TAF4B: variants seen among roughly 807,000 people sequenced by gnomAD.
TAF4B encodes TATA-box binding protein associated factor 4b.
TAF4B carries 38 observed loss-of-function variants against 86.4 expected under a neutral mutation model. The observed-to-expected ratio is 0.44, with a 90% confidence interval of 0.34 to 0.58. TAF4B has a LOEUF of 0.58. Among genes scored for constraint, TAF4B ranks in the 20% least tolerant of loss-of-function variants. TAF4B has a pLI of 0.02. For synonymous variants in TAF4B, 388 were observed against 391.2 expected (o/e 0.99, Z 0.10); for missense variants, 988 against 1,027.6 (o/e 0.96, Z 0.53).
At position 26,346,759 on chromosome 18, in the gene TAF4B, G is replaced by GTGTATATATATATATA. The variant is rs1202008455; in HGVS notation, c.2317-10930_2317-10929insGTATATATATATATAT. On this transcript the variant is annotated intron_variant, in intron 13 of 14. Transcript: ENST00000269142. ...CAAGAATATATATATATATATGTGT[G>GTGTATATATATATATA]TATATATATATATATGTGTGTGTAT... Among the ~76,000 whole-genome samples, 28 of 27,134 alleles carry GTGTATATATATATATA rather than the reference G, an allele frequency of 1.0e-3. 4 individuals carry two copies. The East Asian group carries it at 0.023, about 23-fold the overall frequency. 17.8% of individuals were successfully genotyped at this position (27,134 alleles called of 152,430 possible).
At position 26,317,228 on chromosome 18, in the gene TAF4B, A is replaced by G. The variant is rs113649987; in HGVS notation, c.2002+1830A>G. ...GTATTTTTAGTAGAGATGGGGTTTC[A>G]CCATGTTGGCCAGGCTGGTCTTGAA... On this transcript the variant is annotated intron_variant, in intron 10 of 14. Coordinates refer to ENST00000269142, the MANE Select transcript of TAF4B (RefSeq NM_005640.3). Among the ~76,000 whole-genome samples, 1,234 of 152,046 alleles carry G rather than the reference A, an allele frequency of 8.1e-3. 17 individuals are homozygous for G. Among genetic ancestry groups the G allele is most frequent in the African/African-American group, 0.028 (1,174 of 41,454 alleles).
intron 1 of TAF4B, among the ~76,000 whole-genome samples, chr18:26,247,234 G>C (rs776395961): frequency 2.5e-4 from 38 of 152,166 alleles, no homozygotes; most frequent in Non-Finnish European, 4.4e-4. Flanking sequence ...AATATCATAA[G>C]GGTTAAATAG....
chr18:26,278,092 T>TA (rs2056403859), intron 5 of TAF4B, among the ~76,000 whole-genome samples: 2 of 152,286 alleles, frequency 1.3e-5, no homozygotes, highest in South Asian at 4.1e-4. Context: ...TTCTTTTCAG[T>TA]AAAAATGGAA....
chr18:26,251,928 G>T (rs2056012095), intron 1 of TAF4B, among the ~76,000 whole-genome samples: 1 of 152,122 alleles, frequency 6.6e-6, no homozygotes, highest in Admixed American at 6.5e-5. Context: ...TTCTAATATT[G>T]CCTCCTACTG....
chr18:26,360,731 C>T (rs1363742124), intron 14 of TAF4B, among the ~76,000 whole-genome samples: 2 of 152,178 alleles, frequency 1.3e-5, no homozygotes, highest in African/African-American at 2.4e-5. Context: ...TCTTTCCCTG[C>T]TGATTTTAAA....
intron 13 of TAF4B, among the ~76,000 whole-genome samples, chr18:26,341,677 A>C (rs1193289289): frequency 1.3e-5 from 2 of 152,262 alleles, no homozygotes; most frequent in South Asian, 2.1e-4. Context: ...CTGGTATCAT[A>C]ATAACCAGCC....
At chr18:26,288,464 G>A (rs1188736690) in intron 7 of TAF4B, among the ~76,000 whole-genome samples, 3 of 151,960 alleles carry the variant, frequency 2.0e-5, no homozygotes, top group African/African-American at 2.4e-5. Flanking sequence ...GCAAAGCCCC[G>A]TCTCTACTAA....
intron 14 of TAF4B, among the ~76,000 whole-genome samples, chr18:26,386,964 T>G (rs1258416815): frequency 6.6e-6 from 1 of 152,232 alleles, no homozygotes; most frequent in Non-Finnish European, 1.5e-5. Context: ...AAAGTACTGA[T>G]TTTAGGAAAA....
rs557839647 is a variant in TAF4B, at chr18:26,345,233, G to A, written c.2316+10002G>A. Among the ~76,000 whole-genome samples the A allele has an allele frequency of 3.3e-5, 5 of 152,334 alleles. No homozygotes were observed. The East Asian group carries it at 9.6e-4, about 29-fold the overall frequency. ...CGCTCCACTGGCAGCCACACTCCAA[G>A]GCCTGCTGAACAACTGTGAGCCCAC... On this transcript the variant is annotated intron_variant, in intron 13 of 14. Transcript: ENST00000269142.
At chr18:26,315,122 C>CTCTCTCTCTCTG (rs2056890050) in intron 9 of TAF4B, 107 bp from the exon 10 acceptor site, 3 of 302,542 alleles carry the variant, frequency 9.9e-6, no homozygotes, top group African/African-American at 8.0e-5. Context: ...CTCTCTCTCT[C>CTCTCTCTCTCTG]TCTCTCTCTC....
At chr18:26,317,851 A>T (rs1261361472) in intron 10 of TAF4B, among the ~76,000 whole-genome samples, 19 of 152,104 alleles carry the variant, frequency 1.2e-4, no homozygotes, top group Admixed American at 1.2e-3. Context: ...ATACCATCTC[A>T]CTGGCATTAG....
At chr18:26,247,608 TG>T (rs1377466130) in intron 1 of TAF4B, among the ~76,000 whole-genome samples, 1 of 152,164 alleles carries the variant, frequency 6.6e-6, no homozygotes, top group Non-Finnish European at 1.5e-5. Context: ...GGGTTGGGCA[TG>T]GTGACTCACA....
chr18:26,320,182 T>C (rs926600454), intron 10 of TAF4B, among the ~76,000 whole-genome samples: 3 of 152,212 alleles, frequency 2.0e-5, no homozygotes, highest in Non-Finnish European at 4.4e-5. Context: ...ACTATAATAT[T>C]TTAAAAATTC....
rs141360832 is a variant in TAF4B, at chr18:26,379,976, A to T, written c.2422-9869A>T. 1.9e-3 allele frequency among the ~76,000 whole-genome samples: 288 copies of T among 152,262 alleles called. 2 individuals carry two copies. The highest frequency in any genetic ancestry group is 6.8e-3 in the African/African-American group (281 of 41,572). On this transcript the variant is annotated intron_variant, in intron 14 of 14. Coordinates refer to ENST00000269142, the MANE Select transcript of TAF4B (RefSeq NM_005640.3). ...CCAATTGTTTGTTGCTAACATATCA[A>T]AGTAAAGTTGATTTTGACATAGATC... is the stretch of plus-strand genomic sequence containing the variant.
At position 26,275,063 on chromosome 18, in the gene TAF4B, GCTATAAAAT is replaced by G; in HGVS notation, c.882+12_882+20del. ...GGTGGAACAACTTTTGGTAAGTAGT[GCTATAAAAT>G]CCTGCAAATTCTGGAGGAATCCATA... On this transcript the variant is annotated intron_variant, in intron 5 of 14. Coordinates refer to ENST00000269142, the MANE Select transcript of TAF4B (RefSeq NM_005640.3). The G allele has an allele frequency of 6.3e-7, 1 of 1,595,870 alleles. No homozygotes were observed. Among genetic ancestry groups the G allele is most frequent in the Non-Finnish European group, 8.5e-7 (1 of 1,175,302 alleles).
chr18:26,272,210 C>G (rs1429607802), intron 3 of TAF4B, among the ~76,000 whole-genome samples: 3 of 152,184 alleles, frequency 2.0e-5, no homozygotes, highest in South Asian at 2.1e-4. Context: ...CTATCAAGAT[C>G]ATCAGGCATT....
Position 26,372,558 on chromosome 18 carries a change from G to A in TAF4B, c.2421+14764G>A, listed in dbSNP as rs78277687. Among the ~76,000 whole-genome samples, 928 of 152,226 alleles carry A rather than the reference G, an allele frequency of 6.1e-3. 8 individuals are homozygous for A. Among genetic ancestry groups the A allele is most frequent in the African/African-American group, 0.021 (877 of 41,516 alleles). ...TACACTCTTACTAACCTACATCAGG[G>A]CTATATTAAGTCTTATGACGTATCA... On this transcript the variant is annotated intron_variant, in intron 14 of 14. Transcript: ENST00000269142.
intron 5 of TAF4B, among the ~76,000 whole-genome samples, chr18:26,278,611 C>T (rs1037226163): frequency 1.0e-3 from 108 of 107,286 alleles, no homozygotes; most frequent in African/African-American, 3.5e-3. Flanking sequence ...GCTTGGCCTT[C>T]TGTTGTTTTT....
intron 2 of TAF4B, 95 bp from the exon 3 acceptor site, chr18:26,267,421 T>C: frequency 1.3e-6 from 1 of 791,134 alleles, no homozygotes; most frequent in Non-Finnish European, 2.2e-6. Context: ...CAAATACATT[T>C]GCTGTCATAA....
Sources: allele counts gnomAD v4.1 joint callset (sites outside exome capture counted in the v4.1 genomes callset), GRCh38; gene constraint gnomAD v4.1.1; transcripts MANE v1.5; gene names NCBI Gene and HGNC (gene_info 2026-07-23, HGNC 2026-07-21).